The following DEFB119 variants were observed in gnomAD, a reference collection of about 807,000 sequenced individuals.
The protein encoded by DEFB119 is beta-defensin 119.
In DEFB119, 3 loss-of-function variants were observed where a neutral mutation model predicts 2.5. The observed-to-expected ratio is 1.19, with a 90% CI of 0.54 to 3.07. The LOEUF is 3.07. Ranked by LOEUF, DEFB119 falls within the 30% of genes most tolerant of loss-of-function variation. DEFB119 has a pLI of 0.03. For missense variants in DEFB119, 113 were observed against 101.1 expected (o/e 1.12, Z -0.50); for synonymous variants, 29 against 33.7 (o/e 0.86, Z 0.48).
intron 1 of DEFB119, among the ~76,000 whole-genome samples, chr20:31,381,117 C>G (rs938118981): frequency 9.9e-5 from 15 of 152,158 alleles, no homozygotes; most frequent in African/African-American, 3.4e-4. Flanking sequence ...TTTCAGCATA[C>G]AATTTCTCTA....
chr20:31,388,577 C>T (rs562289819), intron 1 of DEFB119, among the ~76,000 whole-genome samples: 12 of 152,154 alleles, frequency 7.9e-5, no homozygotes, highest in Admixed American at 2.6e-4. Flanking sequence ...ACCTTCTAAC[C>T]CCTGGGGCTG....
At chr20:31,379,785 C>T (rs1300898404) in intron 1 of DEFB119, among the ~76,000 whole-genome samples, 1 of 152,008 alleles carries the variant, frequency 6.6e-6, no homozygotes, top group Non-Finnish European at 1.5e-5. Context: ...CCTGCCTCAG[C>T]CTCCCCAGCA....
chr20:31,378,420 A>G, intron 1 of DEFB119: 1 of 1,613,804 alleles, frequency 6.2e-7, no homozygotes, highest in Non-Finnish European at 8.5e-7. Context: ...GCCAACAAAG[A>G]TCATTGAAAT....
intron 1 of DEFB119, among the ~76,000 whole-genome samples, chr20:31,384,354 T>A (rs934228787): frequency 6.6e-6 from 1 of 152,206 alleles, no homozygotes; most frequent in Non-Finnish European, 1.5e-5. Context: ...TTTACCCTGA[T>A]GTGATCAGTA....
At chr20:31,386,671 G>A (rs1408608894) in intron 1 of DEFB119, among the ~76,000 whole-genome samples, 2 of 152,146 alleles carry the variant, frequency 1.3e-5, no homozygotes, top group Non-Finnish European at 2.9e-5. Flanking sequence ...TAAGTGGGAA[G>A]GGAGAATAGG....
Position 31,390,430 on chromosome 20 carries a change from C to A in DEFB119, c.54G>T (p.Val18=). The part of the protein sequence containing the change: ...LAILLAIEEP[V]ISGKRHILRC... ...GAGAGAGGTTCACGTTACCTGATAT[C>A]ACTGGTTCTTCTATGGCCAGAAGGA... Residue 18 remains valine, a synonymous_variant, in exon 1 of 2, where the codon GTG becomes GTT. Coordinates refer to ENST00000376321, the MANE Select transcript of DEFB119 (RefSeq NM_153289.4). 6.2e-7 allele frequency: 1 copy of A among 1,612,740 alleles called. No individual in the cohort carries two copies. Among genetic ancestry groups the A allele is most frequent in the Non-Finnish European group, 8.5e-7 (1 of 1,179,446 alleles).
intron 1 of DEFB119, among the ~76,000 whole-genome samples, chr20:31,380,667 A>G (rs1986474333): frequency 6.6e-6 from 1 of 151,644 alleles, no homozygotes; most frequent in Admixed American, 6.6e-5. Context: ...CTCCAGCATC[A>G]TGTGTCGAAA....
intron 1 of DEFB119, among the ~76,000 whole-genome samples, chr20:31,377,830 C>T (rs576439468): frequency 1.5e-4 from 23 of 152,190 alleles, no homozygotes; most frequent in African/African-American, 3.9e-4. Context: ...ACATAGAGTC[C>T]CAAGAAAAGT....
At chr20:31,386,810 CTTTTT>C (rs148428945) in intron 1 of DEFB119, among the ~76,000 whole-genome samples, 1 of 108,904 alleles carries the variant, frequency 9.2e-6, no homozygotes, top group Admixed American at 1.0e-4. Context: ...TTTTCTTTTT[CTTTTT>C]TTTTTTTTTT....
At position 31,389,346 on chromosome 20, in the gene DEFB119, G is replaced by A. The variant is rs1430846326; in HGVS notation, c.61+1077C>T. The A allele has an allele frequency of 2.2e-6, 3 of 1,333,816 alleles. No individual in the cohort carries two copies. The African/African-American group carries it at 4.3e-5, about 19-fold the overall frequency. 82.6% of individuals were successfully genotyped at this position (1,333,816 alleles called of 1,614,324 possible). On this transcript the variant is annotated intron_variant, in intron 1 of 1. Transcript: ENST00000376321. ...AAGAAGAGAAGAAAGCCAGCTGAGT[G>A]AGTAATGCCAGACCCAGTCCCAGGA...
intron 1 of DEFB119, chr20:31,389,286 A>G: frequency 1.9e-6 from 3 of 1,609,706 alleles, no homozygotes; most frequent in Admixed American, 1.7e-5. Flanking sequence ...AAGCGGAGAG[A>G]AAAGACAAGG....
intron 1 of DEFB119, among the ~76,000 whole-genome samples, chr20:31,382,961 T>C (rs543065308): frequency 6.6e-6 from 1 of 152,352 alleles, no homozygotes; most frequent in South Asian, 2.1e-4. Flanking sequence ...AAACTCAGTT[T>C]GGAGAAAAAG....
At chr20:31,382,035 C>G (rs1301959815) in intron 1 of DEFB119, among the ~76,000 whole-genome samples, 1 of 152,166 alleles carries the variant, frequency 6.6e-6, no homozygotes, top group Non-Finnish European at 1.5e-5. Flanking sequence ...GGTGATGGAA[C>G]AGTTCTGCAG....
intron 1 of DEFB119, 99 bp downstream of exon 1, chr20:31,390,324 G>C: frequency 8.8e-7 from 1 of 1,130,468 alleles, no homozygotes; most frequent in Non-Finnish European, 1.3e-6. Context: ...AGCTGCAGGA[G>C]AGAAGGAAAG....
At chr20:31,379,719 G>A (rs1986438633) in intron 1 of DEFB119, among the ~76,000 whole-genome samples, 1 of 150,076 alleles carries the variant, frequency 6.7e-6, no homozygotes, top group Middle Eastern at 3.2e-3. Context: ...AGGCTGGAGT[G>A]CAGTGGCACT....
At position 31,377,583 on chromosome 20, in the gene DEFB119, G is replaced by C. The variant is rs943411179; in HGVS notation, c.62-144C>G. On this transcript the variant is annotated intron_variant, in intron 1 of 1. Coordinates refer to ENST00000376321, the MANE Select transcript of DEFB119 (RefSeq NM_153289.4). ...GTGACTTCTACTTCCAGAAAAAAAAGAGTCAATGTCTTTTTCTCTATTTGT... is the reference window on the plus strand; with the variant it reads ...GTGACTTCTACTTCCAGAAAAAAAACAGTCAATGTCTTTTTCTCTATTTGT... The C allele has an allele frequency of 8.4e-6, 8 of 948,702 alleles. No individual in the cohort carries two copies. The African/African-American group carries it at 1.3e-4, about 16-fold the overall frequency. The allele number at this position is 948,702 out of a possible 1,614,324, so 58.8% of individuals were successfully genotyped here. A position where few individuals can be genotyped will look rare whatever the true frequency, so the allele number is the denominator to read the frequency against.
At chr20:31,385,199 A>G (rs1986647570) in intron 1 of DEFB119, among the ~76,000 whole-genome samples, 1 of 152,184 alleles carries the variant, frequency 6.6e-6, no homozygotes, top group African/African-American at 2.4e-5. Context: ...TGTTTTCTCA[A>G]CTGAAAAATC....
chr20:31,381,086 C>A (rs1986489750), intron 1 of DEFB119, among the ~76,000 whole-genome samples: 1 of 152,066 alleles, frequency 6.6e-6, no homozygotes, highest in Non-Finnish European at 1.5e-5. Flanking sequence ...GCTCTTATTT[C>A]TTTTATCAAT....
At chr20:31,383,706 G>T (rs1000215939) in intron 1 of DEFB119, among the ~76,000 whole-genome samples, 16 of 151,510 alleles carry the variant, frequency 1.1e-4, no homozygotes, top group African/African-American at 3.9e-4. Context: ...AGCCTGGCAT[G>T]GTGGCAGGCG....
Sources: gnomAD v4.1 joint callset for allele counts (sites outside exome capture counted in the v4.1 genomes callset) on GRCh38, gnomAD v4.1.1 for gene constraint, MANE v1.5 for transcripts, NCBI Gene and HGNC (gene_info 2026-07-23, HGNC 2026-07-21) for gene names.